OR5M3: variants seen among roughly 807,000 people sequenced by gnomAD.
The protein encoded by OR5M3 is olfactory receptor 5M3.
For missense variants in OR5M3, 384 were observed against 378.6 expected, an observed-to-expected ratio of 1.01 and a Z score of -0.12; for synonymous variants, 129 against 131.3, an observed-to-expected ratio of 0.98 and a Z score of 0.12.
At position 56,470,145 on chromosome 11, in the gene OR5M3, A is replaced by G. The variant is rs145040133; in HGVS notation, c.353T>C (p.Phe118Ser). The G allele has an allele frequency of 3.8e-5, 61 of 1,606,000 alleles. No individual in the cohort carries two copies. The African/African-American group carries it at 7.6e-4, about 20-fold the overall frequency. Residue 118 changes from phenylalanine to serine, a missense_variant, in exon 2 of 2, where the codon TTT (phenylalanine) becomes TCT (serine). Physicochemically the swap from Phe to Ser is radical, Grantham distance 155. Transcript: ENST00000641993. ...ATTCCCAATTGCCATGTATCTATCA[A>G]AGGCCATCGCAGCAAGAATAAAAAT... ...VEIFILAAMA[F>S]DRYMAIGNPL...
chr11:56,470,582 A>T (rs1590904075), intron 1 of OR5M3, 41 bp from the exon 2 acceptor site: 3 of 720,028 alleles, frequency 4.2e-6, no homozygotes, highest in African/African-American at 1.8e-5. Context: ...TTTATTTATT[A>T]ATTTATACCT....
chr11:56,472,521 T>C (rs1304182153), intron 1 of OR5M3, among the ~76,000 whole-genome samples: 2 of 152,044 alleles, frequency 1.3e-5, no homozygotes, highest in East Asian at 3.9e-4. Flanking sequence ...AAGATGGCAT[T>C]GTTAGTACTC....
At position 56,469,827 on chromosome 11, in the gene OR5M3, A is replaced by G. The variant is rs181440512; in HGVS notation, c.671T>C (p.Leu224Pro). 1 of 1,611,832 alleles carries G rather than the reference A, an allele frequency of 6.2e-7. No individual in the cohort carries two copies. The highest frequency in any genetic ancestry group is 1.3e-5 in the African/African-American group (1 of 74,908). The change falls in exon 2 of 2, where the codon CTG (leucine) becomes CCG (proline). Residue 224 changes from leucine (L) to proline (P), a missense_variant. Physicochemically the swap from Leu to Pro is moderately conservative, Grantham distance 98. Coordinates refer to ENST00000641993, the MANE Select transcript of OR5M3 (RefSeq NM_001004742.3). ...CCTTCCTTCTGCTGAGCGCATTCGC[A>G]GAATGGCAATGAGGATGAATAAGTA... ...ISYLFILIAI[L>P]RMRSAEGRQK... is the part of the protein sequence containing the mutation.
rs1334583594 is a variant in OR5M3 at position 56,470,056 on chromosome 11, T to C, written c.442A>G (p.Ile148Val). ...VCIRLITFPY[I>V]YGFLTSLAAT... ...GCCAGACTCGTCAGAAAACCATAAA[T>C]GTAAGGGAAAGTAATCAGTCGAATA... Residue 148 changes from isoleucine to valine, a missense_variant, in exon 2 of 2, where the codon ATT becomes GTT. Physicochemically the swap from Ile to Val is conservative, Grantham distance 29 (BLOSUM62 3). Coordinates refer to ENST00000641993, the MANE Select transcript of OR5M3 (RefSeq NM_001004742.3). 4 of 1,611,490 alleles carry C rather than the reference T, an allele frequency of 2.5e-6. No homozygotes were observed. The highest frequency in any genetic ancestry group is 4.5e-5 in the East Asian group (2 of 44,870).
At position 56,470,031 on chromosome 11, in the gene OR5M3, G is replaced by T. The variant is rs1853648532; in HGVS notation, c.467C>A (p.Ala156Glu). Residue 156 changes from alanine (A) to glutamate (E), a missense_variant, in exon 2 of 2, where the codon GCA becomes GAA. By Grantham distance (107) the Ala-to-Glu change is moderately radical (BLOSUM62 -1). Coordinates refer to ENST00000641993, the MANE Select transcript of OR5M3 (RefSeq NM_001004742.3). ...PYIYGFLTSLAATLWTYGLYF... is the reference protein window; with the variant it reads ...PYIYGFLTSLEATLWTYGLYF... ...CAAGCCGTAAGTCCATAATGTTGCT[G>T]CCAGACTCGTCAGAAAACCATAAAT... The T allele has an allele frequency of 1.2e-6, 2 of 1,613,100 alleles. No individual in the cohort carries two copies. The highest frequency in any genetic ancestry group is 2.2e-5 in the South Asian group (2 of 91,056).
At chr11:56,470,663 T>C (rs753531242) in intron 1 of OR5M3, 122 bp from the exon 2 acceptor site, 8 of 487,376 alleles carry the variant, frequency 1.6e-5, no homozygotes, top group Non-Finnish European at 2.8e-5. Flanking sequence ...TCTCAGTGCC[T>C]GTTATGTAAC....
At chr11:56,472,331 C>A (rs1853675970) in intron 1 of OR5M3, among the ~76,000 whole-genome samples, 1 of 151,958 alleles carries the variant, frequency 6.6e-6, no homozygotes, top group East Asian at 1.9e-4. Flanking sequence ...TCTCTAAGAT[C>A]CTTAGATTTA....
At position 56,469,528 on chromosome 11, in the gene OR5M3, A is replaced by T; in HGVS notation, c.*46T>A. Reference sequence around the variant, plus strand: ...GTACTGGGTAATAAACTTTTTCCAAACAAATAATAGAAGATAAAATTAAAT... The same window carrying T: ...GTACTGGGTAATAAACTTTTTCCAATCAAATAATAGAAGATAAAATTAAAT... On this transcript the variant is annotated 3_prime_UTR_variant, in exon 2 of 2. Transcript: ENST00000641993. 7.7e-7 allele frequency: 1 copy of T among 1,299,090 alleles called. No homozygotes were observed. The highest frequency in any genetic ancestry group is 1.1e-6 in the Non-Finnish European group (1 of 952,176). 80.5% of individuals were successfully genotyped at this position (1,299,090 alleles called of 1,614,324 possible). A position where few individuals can be genotyped will look rare whatever the true frequency, so the allele number is the denominator to read the frequency against.
In OR5M3 at chr11:56,469,950, A is replaced by T. The variant is rs973923348; in HGVS notation, c.548T>A (p.Ile183Asn). 1.9e-6 allele frequency: 3 copies of T among 1,613,056 alleles called. No individual in the cohort carries two copies. Among genetic ancestry groups the T allele is most frequent in the Non-Finnish European group, 2.5e-6 (3 of 1,179,188 alleles). Residue 183 changes from isoleucine (I) to asparagine (N), a missense_variant, in exon 2 of 2, where the codon ATC (isoleucine) becomes AAC (asparagine). Ile to Asn is a moderately radical substitution (Grantham distance 149, BLOSUM62 -3). Coordinates refer to ENST00000641993, the MANE Select transcript of OR5M3 (RefSeq NM_001004742.3). ...NHFYCADPPLIKMACAGTFVK... is the reference protein window; with the variant it reads ...NHFYCADPPLNKMACAGTFVK... ...AAAGGTCCCAGCACAGGCCATTTTG[A>T]TGAGAGGTGGATCTGCACAGTAGAA...
chr11:56,470,907 T>C (rs1853660930), intron 1 of OR5M3, among the ~76,000 whole-genome samples: 1 of 152,060 alleles, frequency 6.6e-6, no homozygotes, highest in South Asian at 2.1e-4. Context: ...GTGTACATTT[T>C]TACCTAATCT....
intron 1 of OR5M3, 131 bp downstream of exon 1, chr11:56,473,090 T>C (rs1442442847): frequency 1.3e-5 from 2 of 152,128 alleles, no homozygotes; most frequent in African/African-American, 4.8e-5. Context: ...AAAATGTATC[T>C]CTCTTTTGTG....
chr11:56,470,333 G>GT lies in OR5M3; in HGVS notation c.164dup (p.Asn55LysfsTer14). 1 of 1,613,810 alleles carries GT rather than the reference G, an allele frequency of 6.2e-7. No individual in the cohort carries two copies. The highest frequency in any genetic ancestry group is 1.1e-5 in the South Asian group (1 of 91,072). ...AGTGACTGAGGAAAAAGTACATGGGGTTGTTAAGCTGAGGACTGACCTTGA... is the reference window on the plus strand; with the variant it reads ...AGTGACTGAGGAAAAAGTACATGGGGTTTGTTAAGCTGAGGACTGACCTTGA... On this transcript the variant is annotated frameshift_variant, in exon 2 of 2. Coordinates refer to ENST00000641993, the MANE Select transcript of OR5M3 (RefSeq NM_001004742.3). LOFTEE classifies it low-confidence loss of function (END_TRUNC).
At chr11:56,472,862 T>A (rs563985224) in intron 1 of OR5M3, among the ~76,000 whole-genome samples, 8 of 152,222 alleles carry the variant, frequency 5.3e-5, no homozygotes, top group African/African-American at 1.7e-4. Context: ...GGATCCAGGC[T>A]CTATGATTTA....
chr11:56,470,795 C>T (rs545861860), intron 1 of OR5M3, among the ~76,000 whole-genome samples: 1 of 152,070 alleles, frequency 6.6e-6, no homozygotes, highest in East Asian at 1.9e-4. Context: ...TATTTCATTA[C>T]TTCTTAAATA....
chr11:56,470,246 T>C lies in OR5M3; in HGVS notation c.252A>G (p.Leu84=), dbSNP rs605734. The C allele has an allele frequency of 3.7e-5, 59 of 1,613,364 alleles. No homozygotes were observed. Among genetic ancestry groups the C allele is most frequent in the Admixed American group, 8.3e-5 (5 of 59,964 alleles). Residue 84 remains leucine, a synonymous_variant, in exon 2 of 2, where the codon TTA becomes TTG. Coordinates refer to ENST00000641993, the MANE Select transcript of OR5M3 (RefSeq NM_001004742.3). ...CATAAGTAATTGTTTTTTTATCTGA[T>C]AACAGGTTTTCCAACATTTTAGGGG... is the stretch of plus-strand genomic sequence containing the variant. ...NVTPKMLENL[L]SDKKTITYAG... is the part of the protein sequence containing the mutation.
chr11:56,471,997 G>C (rs1000415863), intron 1 of OR5M3, among the ~76,000 whole-genome samples: 31 of 151,956 alleles, frequency 2.0e-4, no homozygotes, highest in African/African-American at 7.2e-4. Context: ...CTGGTTAGCA[G>C]TTACCCAGAA....
In OR5M3 at chr11:56,469,786, T is replaced by G. The variant is rs370780318; in HGVS notation, c.712A>C (p.Thr238Pro). 1 of 1,612,362 alleles carries G rather than the reference T, an allele frequency of 6.2e-7. No homozygotes were observed. Among genetic ancestry groups the G allele is most frequent in the Non-Finnish European group, 8.5e-7 (1 of 1,178,688 alleles). The change falls in exon 2 of 2, where the codon ACA (threonine) becomes CCA (proline). Residue 238 changes from threonine (T) to proline (P), a missense_variant. Physicochemically the swap from Thr to Pro is conservative, Grantham distance 38. Transcript: ENST00000641993. ...ACAGCTGTCAGATGGGACCCACATG[T>G]GGAAAAGGCCTTCTGCCTTCCTTCT... ...SAEGRQKAFS[T>P]CGSHLTAVII...
At position 56,469,749 on chromosome 11, in the gene OR5M3, T is replaced by C. The variant is rs764979699; in HGVS notation, c.749A>G (p.Tyr250Cys). 39 of 1,612,968 alleles carry C rather than the reference T, an allele frequency of 2.4e-5. No individual in the cohort carries two copies. In the Admixed American group the frequency reaches 3.7e-4, roughly 15 times the overall value. ...GSHLTAVIIF[Y>C]GTLIFMYLRR... ...GAGATACATGAAGATCAGAGTACCA[T>C]AGAATATAATGACAGCTGTCAGATG... The change falls in exon 2 of 2, where the codon TAT becomes TGT. Residue 250 changes from tyrosine (Y) to cysteine (C), a missense_variant. By Grantham distance (194) the Tyr-to-Cys change is radical. Coordinates refer to ENST00000641993, the MANE Select transcript of OR5M3 (RefSeq NM_001004742.3).
At position 56,469,796 on chromosome 11, in the gene OR5M3, C is replaced by T. The variant is rs779998077; in HGVS notation, c.702G>A (p.Lys234=). ...GATGGGACCCACATGTGGAAAAGGC[C>T]TTCTGCCTTCCTTCTGCTGAGCGCA... is the stretch of plus-strand genomic sequence containing the variant. The part of the protein sequence containing the change: ...LRMRSAEGRQ[K]AFSTCGSHLT... Residue 234 remains lysine, a synonymous_variant, in exon 2 of 2, where the codon AAG becomes AAA. Transcript: ENST00000641993. The T allele has an allele frequency of 5.0e-6, 8 of 1,611,308 alleles. No individual in the cohort carries two copies. Among genetic ancestry groups the T allele is most frequent in the South Asian group, 1.1e-5 (1 of 91,026 alleles).
Sources: allele counts gnomAD v4.1 joint callset (sites outside exome capture counted in the v4.1 genomes callset), GRCh38; gene constraint gnomAD v4.1.1; transcripts MANE v1.5; gene names NCBI Gene and HGNC (gene_info 2026-07-23, HGNC 2026-07-21).